Variants in JADE3 observed in about 807,000 individuals in gnomAD.
JADE3 encodes jade family PHD finger 3, also known as protein Jade-3.
A neutral mutation model predicts 50.1 loss-of-function variants in JADE3; 2 were observed. The observed-to-expected ratio is 0.04, with a 90% confidence interval of 0.02 to 0.13. The LOEUF (loss-of-function observed/expected upper bound fraction) is 0.13. Among genes scored for constraint, JADE3 ranks in the 10% least tolerant of loss-of-function variants. The pLI is 1.00. For synonymous variants in JADE3, 218 were observed against 232.9 expected (o/e 0.94, Z 0.58); for missense variants, 475 against 634.4 (o/e 0.75, Z 2.70).
chrX:46,923,691 A>T (rs1556338291), intron 1 of JADE3, among the ~76,000 whole-genome samples: 1 of 110,178 alleles, frequency 9.1e-6, no homozygotes, highest in African/African-American at 3.3e-5. Context: ...CTGAGATTAC[A>T]GGCATGAGCC....
rs183326918 is a variant in JADE3 at position 46,959,668 on chromosome X, G to A, written c.-11-25216G>A. On this transcript the variant is annotated intron_variant, in intron 1 of 10. Transcript: ENST00000614628. ...GGATTGAAATCTGACATGACTAGGAGATAGCCATGTGAAGTAGGATAGGGT... is the reference window on the plus strand; with the variant it reads ...GGATTGAAATCTGACATGACTAGGAAATAGCCATGTGAAGTAGGATAGGGT... Among the ~76,000 whole-genome samples the A allele has an allele frequency of 8.1e-3, 899 of 111,033 alleles. 6 individuals are homozygous for A. The highest frequency in any genetic ancestry group is 0.011 in the Non-Finnish European group (569 of 52,881).
intron 1 of JADE3, among the ~76,000 whole-genome samples, chrX:46,947,201 G>T (rs2147114390): frequency 9.0e-6 from 1 of 110,939 alleles, no homozygotes; most frequent in East Asian, 2.9e-4. Flanking sequence ...TGTGTTTTTT[G>T]TAGAGACAGG....
In JADE3 at chrX:47,007,807, T is replaced by TGTGTGTG. The variant is rs1569537171; in HGVS notation, c.284+9530_284+9531insGTGTGTG. 3.8e-4 allele frequency among the ~76,000 whole-genome samples: 27 copies of TGTGTGTG among 70,806 alleles called. 1 individual carries two copies. Among genetic ancestry groups the TGTGTGTG allele is most frequent in the African/African-American group, 1.7e-3 (27 of 15,867 alleles). The allele number at this position is 70,806 out of a possible 115,157, so 61.5% of individuals were successfully genotyped here. A position where few individuals can be genotyped will look rare whatever the true frequency, so the allele number is the denominator to read the frequency against. The stretch of plus-strand genomic sequence containing the variant: ...TAGGACTTCAGCGTGTCCTTTTATT[T>TGTGTGTG]TGTGTGTGTGTGTGTGTGTGTGTGT... On this transcript the variant is annotated intron_variant, in intron 4 of 10. Transcript: ENST00000614628.
chrX:47,053,733 G>A (rs1777240650), intron 8 of JADE3, among the ~76,000 whole-genome samples: 2 of 112,275 alleles, frequency 1.8e-5, no homozygotes, highest in African/African-American at 3.2e-5. Context: ...AGTTAATGAC[G>A]ATGCAAAATG....
At chrX:47,020,998 C>T (rs1403182043) in intron 4 of JADE3, among the ~76,000 whole-genome samples, 2 of 110,442 alleles carry the variant, frequency 1.8e-5, no homozygotes, top group Non-Finnish European at 3.8e-5. Flanking sequence ...CCTGTAGTTT[C>T]AGCTACTTAG....
intron 1 of JADE3, among the ~76,000 whole-genome samples, chrX:46,932,322 AT>A (rs1926515499): frequency 8.9e-6 from 1 of 111,988 alleles, no homozygotes; most frequent in Non-Finnish European, 1.9e-5. Flanking sequence ...TAACTTATAG[AT>A]TTTTGCCTGG....
Position 47,058,162 on chromosome X carries a change from C to G in JADE3, c.1562-5C>G, listed in dbSNP as rs376303435. On this transcript the variant is annotated splice_region_variant and splice_polypyrimidine_tract_variant and intron_variant, in intron 10 of 10. Transcript: ENST00000614628. The stretch of plus-strand genomic sequence containing the variant: ...GTTAAAACGAATCTTTCTTTTTTAT[C>G]TCAGGGCTTCCTTTGACAAATGCAC... The G allele has an allele frequency of 5.9e-6, 7 of 1,190,713 alleles. No individual in the cohort carries two copies. The African/African-American group carries it at 1.3e-4, about 21-fold the overall frequency.
intron 5 of JADE3, among the ~76,000 whole-genome samples, chrX:47,027,123 G>A (rs782611371): frequency 1.4e-4 from 16 of 111,824 alleles, no homozygotes; most frequent in East Asian, 1.4e-3. Context: ...GGATTATTCC[G>A]GAGTTTACAA....
At chrX:46,973,221 A>C (rs1412365914) in intron 1 of JADE3, among the ~76,000 whole-genome samples, 1 of 112,452 alleles carries the variant, frequency 8.9e-6, no homozygotes, top group Non-Finnish European at 1.9e-5. Flanking sequence ...ACAAAGAAAT[A>C]CTTGTCTGTG....
intron 1 of JADE3, among the ~76,000 whole-genome samples, chrX:46,967,053 C>T (rs1556349220): frequency 8.9e-6 from 1 of 112,198 alleles, no homozygotes; most frequent in Non-Finnish European, 1.9e-5. Context: ...GAGTTTTAGC[C>T]TGTGTTCAAT....
intron 1 of JADE3, among the ~76,000 whole-genome samples, chrX:46,954,624 G>A (rs915441191): frequency 2.7e-5 from 3 of 110,868 alleles, no homozygotes; most frequent in Admixed American, 9.6e-5. Context: ...GTGCGATCTC[G>A]GCTCGCTGCA....
At chrX:47,036,780 T>TA (rs1401367257) in intron 7 of JADE3, among the ~76,000 whole-genome samples, 2 of 66,202 alleles carry the variant, frequency 3.0e-5, no homozygotes, top group African/African-American at 1.2e-4. Flanking sequence ...TATGCAGCCA[T>TA]AAAAAATGAT....
At chrX:46,994,885 A>T (rs1928090042) in intron 3 of JADE3, among the ~76,000 whole-genome samples, 1 of 111,868 alleles carries the variant, frequency 8.9e-6, no homozygotes, top group Admixed American at 9.5e-5. Context: ...TTTAATCTTT[A>T]CAACAACCCC....
Position 46,930,112 on chromosome X carries a change from G to A in JADE3, c.-12+17393G>A, listed in dbSNP as rs369012484. The stretch of plus-strand genomic sequence containing the variant: ...CTGGGCTGTCCTTGTGACTCACTTT[G>A]GTCAGTAAAACATGGCACAGGTAAC... On this transcript the variant is annotated intron_variant, in intron 1 of 10. Coordinates refer to ENST00000614628, the MANE Select transcript of JADE3 (RefSeq NM_014735.5). Among the ~76,000 whole-genome samples, 10 of 112,172 alleles carry A rather than the reference G, an allele frequency of 8.9e-5. No individual in the cohort carries two copies. In the East Asian group the frequency reaches 1.4e-3, roughly 16 times the overall value.
intron 4 of JADE3, among the ~76,000 whole-genome samples, chrX:47,012,916 C>T (rs1368624989): frequency 3.6e-5 from 4 of 111,286 alleles, no homozygotes; most frequent in Non-Finnish European, 7.5e-5. Flanking sequence ...CCCAAACCCA[C>T]CTACCTTGGT....
At chrX:46,981,185 G>T (rs1483177762) in intron 1 of JADE3, among the ~76,000 whole-genome samples, 1 of 112,227 alleles carries the variant, frequency 8.9e-6, no homozygotes, top group Non-Finnish European at 1.9e-5. Context: ...CTATAAGATA[G>T]TAAATTTATG....
At chrX:47,051,114 G>A (rs1327707399) in intron 8 of JADE3, among the ~76,000 whole-genome samples, 1 of 110,566 alleles carries the variant, frequency 9.0e-6, no homozygotes, top group African/African-American at 3.3e-5. Context: ...ATTGGAAAGT[G>A]GAGGGGGAGG....
chrX:46,949,708 A>G (rs1369059998), intron 1 of JADE3, among the ~76,000 whole-genome samples: 1 of 111,792 alleles, frequency 8.9e-6, no homozygotes, highest in Non-Finnish European at 1.9e-5. Flanking sequence ...TGAAAGTATC[A>G]TTGTGTCTCT....
At chrX:47,040,406 C>T (rs191080541) in intron 8 of JADE3, among the ~76,000 whole-genome samples, 1 of 111,394 alleles carries the variant, frequency 9.0e-6, no homozygotes, top group East Asian at 2.8e-4. Context: ...GAGTGTGAAC[C>T]GTGTTGTGAA....
Sources: allele counts gnomAD v4.1 joint callset (sites outside exome capture counted in the v4.1 genomes callset), GRCh38; gene constraint gnomAD v4.1.1; transcripts MANE v1.5; gene names NCBI Gene and HGNC (gene_info 2026-07-23, HGNC 2026-07-21).